The following TPST1 variants were observed in gnomAD, a reference collection of about 807,000 sequenced individuals.
TPST1 encodes protein-tyrosine sulfotransferase 1.
A neutral mutation model predicts 34.8 loss-of-function variants in TPST1; 20 were observed. The observed-to-expected ratio is 0.57, with a 90% CI of 0.40 to 0.84. The LOEUF is 0.84. TPST1 is among the 40% of genes least tolerant of loss of function. The pLI, the probability that TPST1 is intolerant of heterozygous loss-of-function variation, is 0.00. For missense variants in TPST1, 353 were observed against 455.5 expected (o/e 0.78, Z 2.05); for synonymous variants, 152 against 159.4 (o/e 0.95, Z 0.35).
At chr7:66,266,806 A>G (rs969745344) in intron 2 of TPST1, among the ~76,000 whole-genome samples, 1 of 152,232 alleles carries the variant, frequency 6.6e-6, no homozygotes, top group South Asian at 2.1e-4. Flanking sequence ...TTCCATTTAT[A>G]TGAAGTTCAA....
intron 1 of TPST1, among the ~76,000 whole-genome samples, chr7:66,235,259 C>T (rs748606736): frequency 1.3e-5 from 2 of 149,990 alleles, no homozygotes; most frequent in Non-Finnish European, 2.9e-5. Flanking sequence ...GAACTCGGCT[C>T]GCTGCAAGCT....
intron 3 of TPST1, among the ~76,000 whole-genome samples, chr7:66,317,590 CTT>C (rs1791660712): frequency 6.7e-6 from 1 of 150,020 alleles, no homozygotes; most frequent in African/African-American, 2.5e-5. Context: ...TTCTTTGAGT[CTT>C]TGTGTTTTAA....
At chr7:66,226,105 T>C (rs1789650266) in intron 1 of TPST1, among the ~76,000 whole-genome samples, 1 of 152,066 alleles carries the variant, frequency 6.6e-6, no homozygotes, top group African/African-American at 2.4e-5. Flanking sequence ...GCCAGGATGG[T>C]CTCGATCTCC....
chr7:66,275,503 A>C (rs1473516034), intron 2 of TPST1, among the ~76,000 whole-genome samples: 2 of 152,228 alleles, frequency 1.3e-5, no homozygotes, highest in Non-Finnish European at 2.9e-5. Flanking sequence ...GGATAAAAAG[A>C]AAATGCGGCA....
chr7:66,217,156 A>G (rs1236673418), intron 1 of TPST1, among the ~76,000 whole-genome samples: 2 of 152,300 alleles, frequency 1.3e-5, no homozygotes, highest in East Asian at 1.9e-4. Context: ...AGAACAATAT[A>G]TATTTTGCCA....
rs373680002 is a variant in TPST1, at chr7:66,310,524, G to A, written c.1044+23815G>A. Among the ~76,000 whole-genome samples, 21 of 152,236 alleles carry A rather than the reference G, an allele frequency of 1.4e-4. No homozygotes were observed. In the East Asian group the frequency reaches 2.7e-3, roughly 20 times the overall value. On this transcript the variant is annotated intron_variant, in intron 3 of 5. Transcript: ENST00000304842. ...CAAATGGGGTCGTGTTCCTCAGTGT[G>A]TAAGGGAATAAAGCCAACCCATCGA...
chr7:66,299,778 C>T (rs774118152), intron 3 of TPST1, among the ~76,000 whole-genome samples: 43 of 152,124 alleles, frequency 2.8e-4, no homozygotes, highest in Non-Finnish European at 4.4e-5. Context: ...TTGATCTTTT[C>T]CTCTAAATTA....
intron 1 of TPST1, among the ~76,000 whole-genome samples, chr7:66,227,116 C>T (rs1451736370): frequency 7.0e-6 from 1 of 142,998 alleles, no homozygotes; most frequent in African/African-American, 2.6e-5. Context: ...TCACTGCAAC[C>T]TCCGCCTCCT....
chr7:66,320,245 C>CTTTTTTTTTTTTTTT (rs569746911), intron 3 of TPST1, among the ~76,000 whole-genome samples: 43 of 126,376 alleles, frequency 3.4e-4, no homozygotes, highest in Non-Finnish European at 4.7e-4. Context: ...TTTTCTTTTT[C>CTTTTTTTTTTTTTTT]TTTTTTTTTT....
intron 4 of TPST1, among the ~76,000 whole-genome samples, chr7:66,354,119 A>G (rs1792535190): frequency 6.6e-6 from 1 of 152,244 alleles, no homozygotes; most frequent in Middle Eastern, 3.4e-3. Context: ...GTCACGGGGG[A>G]AAGAAAGACC....
intron 3 of TPST1, among the ~76,000 whole-genome samples, chr7:66,324,846 A>G (rs1334031727): frequency 6.6e-6 from 1 of 150,890 alleles, no homozygotes; most frequent in Non-Finnish European, 1.5e-5. Context: ...CAAAACACTC[A>G]TATCTGAAAT....
intron 1 of TPST1, among the ~76,000 whole-genome samples, chr7:66,208,579 G>A (rs1369191344): frequency 6.6e-6 from 1 of 151,708 alleles, no homozygotes; most frequent in African/African-American, 2.4e-5. Flanking sequence ...AGTGATTCTC[G>A]TACCTCAGCC....
At chr7:66,235,037 A>G (rs2116372100) in intron 1 of TPST1, among the ~76,000 whole-genome samples, 2 of 152,194 alleles carry the variant, frequency 1.3e-5, no homozygotes, top group Non-Finnish European at 2.9e-5. Context: ...GTTATTGTAT[A>G]ATAGGATCGA....
At chr7:66,349,581 A>G (rs1449448766) in intron 3 of TPST1, among the ~76,000 whole-genome samples, 2 of 152,100 alleles carry the variant, frequency 1.3e-5, no homozygotes, top group African/African-American at 4.8e-5. Flanking sequence ...CAAAACAACA[A>G]CAACAACAAC....
In TPST1 at chr7:66,240,537, C is replaced by A; in HGVS notation, c.112C>A (p.Arg38Ser). The A allele has an allele frequency of 6.2e-7, 1 of 1,614,170 alleles. No individual in the cohort carries two copies. The highest frequency in any genetic ancestry group is 1.1e-5 in the South Asian group (1 of 91,074). ...AMECHHRIEE[R>S]SQPVKLESTR... ...GGAATGCCATCACCGGATAGAGGAA[C>A]GTAGCCAGCCAGTCAAATTGGAGAG... is the stretch of plus-strand genomic sequence containing the variant. The change falls in exon 2 of 6, where the codon CGT (arginine) becomes AGT (serine). Residue 38 changes from arginine to serine, a missense_variant. By Grantham distance (110) the Arg-to-Ser change is moderately radical. Coordinates refer to ENST00000304842, the MANE Select transcript of TPST1 (RefSeq NM_003596.4).
At chr7:66,339,507 A>G (rs1021909086) in intron 3 of TPST1, among the ~76,000 whole-genome samples, 6 of 152,204 alleles carry the variant, frequency 3.9e-5, no homozygotes, top group African/African-American at 1.2e-4. Flanking sequence ...AACTCATTCT[A>G]CAAGGGCAAC....
chr7:66,353,497 A>G (rs1792521932), intron 4 of TPST1, among the ~76,000 whole-genome samples: 1 of 152,220 alleles, frequency 6.6e-6, no homozygotes, highest in African/African-American at 2.4e-5. Context: ...GCAGATTCAG[A>G]GTTTTCCCTG....
chr7:66,232,589 C>A (rs1789821415), intron 1 of TPST1, among the ~76,000 whole-genome samples: 1 of 152,128 alleles, frequency 6.6e-6, no homozygotes, highest in Admixed American at 6.6e-5. Context: ...GATCTCCTGA[C>A]CTTGTGATCC....
At chr7:66,277,270 G>C (rs1375772310) in intron 2 of TPST1, among the ~76,000 whole-genome samples, 1 of 152,116 alleles carries the variant, frequency 6.6e-6, no homozygotes, top group Non-Finnish European at 1.5e-5. Context: ...TTTTTGGTTT[G>C]ATGAAACCCT....
Sources: allele counts gnomAD v4.1 joint callset (sites outside exome capture counted in the v4.1 genomes callset), GRCh38; gene constraint gnomAD v4.1.1; transcripts MANE v1.5; gene names NCBI Gene and HGNC (gene_info 2026-07-23, HGNC 2026-07-21).